Variants in FGD3 observed in about 807,000 individuals in gnomAD.
FGD3 encodes FYVE, RhoGEF and PH domain-containing protein 3.
A neutral mutation model predicts 71.8 loss-of-function variants in FGD3; 45 were observed. The ratio of observed to expected loss-of-function variants is 0.63; its 90% CI spans 0.49 to 0.80. The LOEUF (loss-of-function observed/expected upper bound fraction) is 0.80. Ranked by LOEUF, FGD3 falls within the 30% of genes least tolerant of loss-of-function variation. The probability of loss-of-function intolerance (pLI) is 0.00; values close to 1 mark genes in which losing one functional copy is unlikely to be tolerated. For missense variants in FGD3, 844 were observed against 951.5 expected, an observed-to-expected ratio of 0.89 and a Z score of 1.49; for synonymous variants, 378 against 392.8, an observed-to-expected ratio of 0.96 and a Z score of 0.44.
chr9:93,032,981 G>A, intron 16 of FGD3, 108 bp downstream of exon 16: 1 of 1,089,080 alleles, frequency 9.2e-7, no homozygotes. Flanking sequence ...GAGTGTCCCT[G>A]GGACCAGGAT....
At chr9:92,959,915 A>C (rs10992555) in intron 1 of FGD3, among the ~76,000 whole-genome samples, 27,845 of 150,790 alleles carry the variant, frequency 0.18, 2,858 homozygotes, top group South Asian at 0.34. Context: ...CTCTATGTCC[A>C]TGTGGCTCCA....
At chr9:93,027,814 G>A (rs1303590489) in intron 14 of FGD3, among the ~76,000 whole-genome samples, 1 of 142,580 alleles carries the variant, frequency 7.0e-6, no homozygotes, top group African/African-American at 2.7e-5. Flanking sequence ...TGACCTCCCA[G>A]GCTCAAGCGA....
chr9:92,984,807 T>A (rs1222136621), intron 3 of FGD3, among the ~76,000 whole-genome samples: 1 of 150,924 alleles, frequency 6.6e-6, no homozygotes, highest in African/African-American at 2.4e-5. Context: ...TGAATCTTTT[T>A]TTTCTTTTTT....
chr9:92,991,286 C>T (rs1860399445), intron 3 of FGD3, among the ~76,000 whole-genome samples: 1 of 152,038 alleles, frequency 6.6e-6, no homozygotes, highest in Non-Finnish European at 1.5e-5. Flanking sequence ...ACCATGTTTC[C>T]CAGGCTGGTT....
At chr9:92,986,248 G>A (rs1352173116) in intron 3 of FGD3, among the ~76,000 whole-genome samples, 1 of 152,136 alleles carries the variant, frequency 6.6e-6, no homozygotes, top group Non-Finnish European at 1.5e-5. Context: ...ACCTTATAGT[G>A]ACTTGCTCGG....
At position 93,035,575 on chromosome 9, in the gene FGD3, G is replaced by A. The variant is rs371619970; in HGVS notation, c.2164G>A (p.Ala722Thr). 49 of 1,591,792 alleles carry A rather than the reference G, an allele frequency of 3.1e-5. No individual in the cohort carries two copies. Among genetic ancestry groups the A allele is most frequent in the Middle Eastern group, 1.7e-4 (1 of 5,880 alleles). The change falls in exon 18 of 18, where the codon GCA becomes ACA. Residue 722 changes from alanine (A) to threonine (T), a missense_variant. Ala to Thr is a moderately conservative substitution (Grantham distance 58, BLOSUM62 0). Transcript: ENST00000375482. ...CCTGCAGCTTCAGGTCCCTATGGGC[G>A]CAGCTGCTCCGTGAGCTGAGTCTCC... ...GALQLQVPMGAAAP is the reference protein window; with the variant it reads ...GALQLQVPMGTAAP
intron 7 of FGD3, 62 bp downstream of exon 7, chr9:93,010,446 GGGGAGAGA>G (rs1861273547): frequency 6.0e-6 from 9 of 1,503,268 alleles, no homozygotes; most frequent in African/African-American, 4.7e-5. Flanking sequence ...CTCTGGGGGT[GGGGAGAGA>G]GGGAGAGAGA....
intron 14 of FGD3, 24 bp downstream of exon 14, chr9:93,022,413 C>CAG: frequency 6.2e-7 from 1 of 1,608,928 alleles, no homozygotes; most frequent in Non-Finnish European, 8.5e-7. Context: ...GCTCAGCGGT[C>CAG]AGCAGGGGTG....
At chr9:93,021,899 T>C (rs548766490) in intron 13 of FGD3, among the ~76,000 whole-genome samples, 360 of 152,304 alleles carry the variant, frequency 2.4e-3, no homozygotes, top group Non-Finnish European at 3.2e-3. Context: ...TGTCCTTAAG[T>C]CTGGCCAAGC....
At chr9:93,025,914 G>C (rs1168260361) in intron 14 of FGD3, among the ~76,000 whole-genome samples, 1 of 152,188 alleles carries the variant, frequency 6.6e-6, no homozygotes, top group Non-Finnish European at 1.5e-5. Context: ...GTCCACCCTC[G>C]GGGCTCCAGG....
At chr9:93,019,886 A>G in intron 12 of FGD3, 25 bp downstream of exon 12, 1 of 1,613,670 alleles carries the variant, frequency 6.2e-7, no homozygotes, top group Middle Eastern at 1.7e-4. Flanking sequence ...GTTGTAAAGT[A>G]ACCAAATGAC....
At chr9:92,971,541 T>TTTTTCTTTTCTTTCCTTTTC (rs375957045) in intron 1 of FGD3, among the ~76,000 whole-genome samples, 1 of 87,654 alleles carries the variant, frequency 1.1e-5, no homozygotes, top group African/African-American at 4.8e-5. Context: ...AAGGGTGGGA[T>TTTTTCTTTTCTTTCCTTTTC]TTTTCTTTTC....
At chr9:92,984,922 A>G (rs1375876394) in intron 3 of FGD3, among the ~76,000 whole-genome samples, 1 of 151,998 alleles carries the variant, frequency 6.6e-6, no homozygotes, top group Non-Finnish European at 1.5e-5. Flanking sequence ...CTTGAACCCA[A>G]AGGGAAATTT....
chr9:92,992,781 G>C (rs1043236758), intron 3 of FGD3, among the ~76,000 whole-genome samples: 3 of 152,200 alleles, frequency 2.0e-5, no homozygotes, highest in African/African-American at 7.2e-5. Flanking sequence ...TGGGTGGTTG[G>C]GGGGTGGGGT....
intron 3 of FGD3, among the ~76,000 whole-genome samples, chr9:92,992,989 A>T (rs964597709): frequency 6.6e-6 from 1 of 152,192 alleles, no homozygotes; most frequent in Non-Finnish European, 1.5e-5. Flanking sequence ...GGGTGCCTCC[A>T]CACTGCTCTC....
chr9:92,966,178 T>A (rs1017810570), intron 1 of FGD3, among the ~76,000 whole-genome samples: 1 of 152,158 alleles, frequency 6.6e-6, no homozygotes, highest in Non-Finnish European at 1.5e-5. Context: ...AGGGGCCCAT[T>A]GTCTGAGGAG....
rs183229434 is a variant in FGD3, at chr9:92,949,544, G to A, written c.-218+1815G>A. On this transcript the variant is annotated intron_variant, in intron 1 of 17. Transcript: ENST00000375482. Reference sequence around the variant, plus strand: ...AGCATCAGTTCAGTCTTGGGGTGTCGTCATTCTCCAGGACATCCCAACGAG... The same window carrying A: ...AGCATCAGTTCAGTCTTGGGGTGTCATCATTCTCCAGGACATCCCAACGAG... Among the ~76,000 whole-genome samples the A allele has an allele frequency of 6.6e-5, 10 of 152,228 alleles. No individual in the cohort carries two copies. In the East Asian group the frequency reaches 1.7e-3, roughly 26 times the overall value.
At chr9:93,009,058 T>G (rs1478786606) in intron 6 of FGD3, among the ~76,000 whole-genome samples, 5 of 151,456 alleles carry the variant, frequency 3.3e-5, no homozygotes, top group Admixed American at 2.6e-4. Flanking sequence ...AGGTCAGGAG[T>G]TCGAGACCAG....
At chr9:92,972,866 G>GAA (rs1859587434) in intron 1 of FGD3, among the ~76,000 whole-genome samples, 1 of 151,974 alleles carries the variant, frequency 6.6e-6, no homozygotes, top group Non-Finnish European at 1.5e-5. Flanking sequence ...TGTCTAATTG[G>GAA]TTGTTAATTC....
Sources: allele counts gnomAD v4.1 joint callset (sites outside exome capture counted in the v4.1 genomes callset), GRCh38; gene constraint gnomAD v4.1.1; transcripts MANE v1.5; gene names NCBI Gene and HGNC (gene_info 2026-07-23, HGNC 2026-07-21).